The following IPCEF1 variants were observed in gnomAD, a reference collection of about 807,000 sequenced individuals.
IPCEF1 encodes interaction protein for cytohesin exchange factors 1.
IPCEF1 carries 31 observed loss-of-function variants against 50.9 expected under a neutral mutation model. The observed-to-expected ratio is 0.61, with a 90% CI of 0.46 to 0.82. The LOEUF is 0.82. Among genes scored for constraint, IPCEF1 ranks in the 40% least tolerant of loss-of-function variants. The pLI is 0.00. For missense variants in IPCEF1, 458 were observed against 514.0 expected (o/e 0.89, Z 1.05); for synonymous variants, 181 against 192.0 (o/e 0.94, Z 0.47).
intron 3 of IPCEF1, among the ~76,000 whole-genome samples, chr6:154,260,621 C>CTGA (rs1781574623): frequency 6.6e-6 from 1 of 152,022 alleles, no homozygotes; most frequent in Non-Finnish European, 1.5e-5. Flanking sequence ...TACAGGCACA[C>CTGA]GCCACCACAC....
chr6:154,354,212 A>G (rs75472906), intron 1 of IPCEF1, among the ~76,000 whole-genome samples: 7,598 of 152,198 alleles, frequency 0.05, 638 homozygotes, highest in African/African-American at 0.17. Flanking sequence ...TGAGCCCCCA[A>G]CTGTGTTTTC....
At chr6:154,283,384 C>CAGG (rs1782276507) in intron 2 of IPCEF1, among the ~76,000 whole-genome samples, 1 of 149,948 alleles carries the variant, frequency 6.7e-6, no homozygotes, top group Non-Finnish European at 1.5e-5. Context: ...ATCACAAGGT[C>CAGG]AGGAGATCAT....
At chr6:154,166,409 G>A (rs12527056) in intron 11 of IPCEF1, among the ~76,000 whole-genome samples, 23,223 of 152,138 alleles carry the variant, frequency 0.15, 2,072 homozygotes, top group East Asian at 0.41. Context: ...CATGCTCTCC[G>A]CGGCCTCTAC....
At chr6:154,287,851 C>T (rs1333597013) in intron 2 of IPCEF1, among the ~76,000 whole-genome samples, 3 of 152,098 alleles carry the variant, frequency 2.0e-5, no homozygotes, top group Non-Finnish European at 2.9e-5. Context: ...ACCAGTTCTG[C>T]ATATCATCAA....
At chr6:154,170,897 G>T (rs1799818639) in intron 10 of IPCEF1, among the ~76,000 whole-genome samples, 2 of 152,150 alleles carry the variant, frequency 1.3e-5, no homozygotes, top group Admixed American at 6.5e-5. Context: ...TAAAGACAGG[G>T]TCTTGGTCTA....
chr6:154,159,959 CT>C lies in IPCEF1; in HGVS notation c.1185del (p.Val396SerfsTer2). ...TCCTGGATCAGCAGGGTGTTCATGACTTTCCACTCTCTGTATTTCCTGGCTG... is the reference window on the plus strand; with the variant it reads ...TCCTGGATCAGCAGGGTGTTCATGACTTCCACTCTCTGTATTTCCTGGCTG... ...KLTARKYREW[K>X]VMNTLLIQDI... On this transcript the variant is annotated frameshift_variant, in exon 12 of 12. Coordinates refer to ENST00000367220, the MANE Select transcript of IPCEF1 (RefSeq NM_001130700.2). LOFTEE classifies it low-confidence loss of function (END_TRUNC). The C allele has an allele frequency of 6.2e-7, 1 of 1,613,492 alleles. No homozygotes were observed. Among genetic ancestry groups the C allele is most frequent in the Non-Finnish European group, 8.5e-7 (1 of 1,180,000 alleles).
At chr6:154,251,962 G>A (rs1305193848) in intron 3 of IPCEF1, among the ~76,000 whole-genome samples, 1 of 152,132 alleles carries the variant, frequency 6.6e-6, no homozygotes, top group Non-Finnish European at 1.5e-5. Context: ...GCACCATAGA[G>A]AACACAGTTA....
At chr6:154,320,824 T>C (rs1027378438) in intron 1 of IPCEF1, among the ~76,000 whole-genome samples, 2 of 152,044 alleles carry the variant, frequency 1.3e-5, no homozygotes, top group Non-Finnish European at 2.9e-5. Flanking sequence ...CTGGGCAACA[T>C]AGCAAGACCT....
intron 1 of IPCEF1, among the ~76,000 whole-genome samples, chr6:154,348,052 T>C (rs920497434): frequency 6.6e-6 from 1 of 152,174 alleles, no homozygotes; most frequent in Admixed American, 6.5e-5. Flanking sequence ...GCCCACTTAC[T>C]GTGTTTTGGT....
chr6:154,297,473 T>C (rs115900597), intron 1 of IPCEF1, among the ~76,000 whole-genome samples: 11 of 152,356 alleles, frequency 7.2e-5, no homozygotes, highest in African/African-American at 2.6e-4. Flanking sequence ...CAGCCTACAT[T>C]CAGGGCTCAT....
At chr6:154,301,130 G>A (rs992158758) in intron 1 of IPCEF1, among the ~76,000 whole-genome samples, 4 of 152,150 alleles carry the variant, frequency 2.6e-5, no homozygotes, top group Non-Finnish European at 5.9e-5. Flanking sequence ...AAATTTTAGA[G>A]TTGAAATCAA....
intron 3 of IPCEF1, among the ~76,000 whole-genome samples, chr6:154,256,746 A>G (rs1417735075): frequency 6.6e-6 from 1 of 152,178 alleles, no homozygotes; most frequent in African/African-American, 2.4e-5. Context: ...CATGGTCCCC[A>G]ACTTATGATG....
Position 154,157,449 on chromosome 6 carries a change from A to G in IPCEF1, c.*2379T>C, listed in dbSNP as rs1798761683. On this transcript the variant is annotated 3_prime_UTR_variant, in exon 12 of 12. Transcript: ENST00000367220. ...CAAAGTAAGCTTTAACTAGCAAAGCAAAAACTTCTAGGCTAATGTTCTTGA... is the reference window on the plus strand; with the variant it reads ...CAAAGTAAGCTTTAACTAGCAAAGCGAAAACTTCTAGGCTAATGTTCTTGA... The G allele has an allele frequency of 6.6e-6, 1 of 152,268 alleles. No homozygotes were observed. Among genetic ancestry groups the G allele is most frequent in the Non-Finnish European group, 1.5e-5 (1 of 68,048 alleles). 9.4% of individuals were successfully genotyped at this position (152,268 alleles called of 1,614,324 possible). A position where few individuals can be genotyped will look rare whatever the true frequency, so the allele number is the denominator to read the frequency against.
At chr6:154,205,806 T>C (rs1306525171) in intron 9 of IPCEF1, among the ~76,000 whole-genome samples, 1 of 152,140 alleles carries the variant, frequency 6.6e-6, no homozygotes, top group Non-Finnish European at 1.5e-5. Flanking sequence ...AATCAAATGC[T>C]ATCATATTTG....
chr6:154,171,384 G>A (rs148846982), intron 10 of IPCEF1, among the ~76,000 whole-genome samples: 260 of 152,208 alleles, frequency 1.7e-3, no homozygotes, highest in African/African-American at 5.6e-3. Flanking sequence ...CACATATTGC[G>A]TGATTCCATT....
Position 154,214,229 on chromosome 6 carries a change from G to T in IPCEF1, c.440C>A (p.Thr147Lys), listed in dbSNP as rs1004657982. 1.2e-6 allele frequency: 2 copies of T among 1,604,268 alleles called. No individual in the cohort carries two copies. Among genetic ancestry groups the T allele is most frequent in the Non-Finnish European group, 8.5e-7 (1 of 1,171,102 alleles). The change falls in exon 8 of 12, where the codon ACA (threonine) becomes AAA (lysine). Residue 147 changes from threonine to lysine, a missense_variant. Transcript: ENST00000367220. ...GSAVIHQEST[T>K]KDEECYSESE... is the part of the protein sequence containing the mutation. ...AAAATAGAACATACCTTCATCCTTT[G>T]TAGTGGATTCCTGATGGATTACAGC...
chr6:154,192,291 T>C lies in IPCEF1; in HGVS notation c.910+7377A>G, dbSNP rs537554078. The stretch of plus-strand genomic sequence containing the variant: ...TAATTTGCTGGCTGATTTCTGTTTC[T>C]TGACCCAAATGGTGGCCACGTGGTT... On this transcript the variant is annotated intron_variant, in intron 10 of 11. Transcript: ENST00000367220. Among the ~76,000 whole-genome samples the C allele has an allele frequency of 5.3e-5, 8 of 151,444 alleles. No homozygotes were observed. The East Asian group carries it at 7.8e-4, about 15-fold the overall frequency.
At chr6:154,189,534 A>C (rs1200259089) in intron 10 of IPCEF1, among the ~76,000 whole-genome samples, 2 of 152,240 alleles carry the variant, frequency 1.3e-5, no homozygotes. Flanking sequence ...ATAGCAAATA[A>C]CAATGTAGTA....
chr6:154,330,540 G>A (rs1429594052), intron 1 of IPCEF1, among the ~76,000 whole-genome samples: 1 of 151,884 alleles, frequency 6.6e-6, no homozygotes, highest in Non-Finnish European at 1.5e-5. Context: ...TGCCCAGGCT[G>A]GTCTAAGTCC....
Sources: gnomAD v4.1 joint callset for allele counts (sites outside exome capture counted in the v4.1 genomes callset) on GRCh38, gnomAD v4.1.1 for gene constraint, MANE v1.5 for transcripts, NCBI Gene and HGNC (gene_info 2026-07-23, HGNC 2026-07-21) for gene names.